The following GUCY1A2 variants were observed in gnomAD, a reference collection of about 807,000 sequenced individuals.
The protein encoded by GUCY1A2 is guanylate cyclase 1 soluble subunit alpha 2, also known as guanylate cyclase soluble subunit alpha-2.
GUCY1A2 carries 27 observed loss-of-function variants against 63.5 expected under a neutral mutation model. The observed-to-expected ratio is 0.43, with a 90% confidence interval of 0.31 to 0.59. The LOEUF (loss-of-function observed/expected upper bound fraction) is 0.59, where lower values mean the gene tolerates loss of function less well. Among genes scored for constraint, GUCY1A2 ranks in the 20% least tolerant of loss-of-function variants. The pLI is 0.11. For synonymous variants in GUCY1A2, 364 were observed against 343.5 expected (o/e 1.06, Z -0.66); for missense variants, 768 against 913.3 (o/e 0.84, Z 2.05).
chr11:106,903,679 T>A (rs919534726), intron 4 of GUCY1A2, among the ~76,000 whole-genome samples: 1 of 152,148 alleles, frequency 6.6e-6, no homozygotes, highest in African/African-American at 2.4e-5. Flanking sequence ...GTCATCTAAA[T>A]AGCAAAGGAG....
intron 4 of GUCY1A2, among the ~76,000 whole-genome samples, chr11:106,855,902 T>C (rs1859424832): frequency 1.7e-5 from 1 of 60,456 alleles, no homozygotes; most frequent in Non-Finnish European, 3.7e-5. Context: ...ATTTTATTTA[T>C]TTATTTATTT....
chr11:106,979,454 C>CAAAA (rs368315276), intron 2 of GUCY1A2, among the ~76,000 whole-genome samples: 23 of 59,178 alleles, frequency 3.9e-4, no homozygotes, highest in Non-Finnish European at 6.3e-4. Flanking sequence ...GACTCCGTCT[C>CAAAA]AAAAAAAAAA....
intron 6 of GUCY1A2, among the ~76,000 whole-genome samples, chr11:106,759,567 T>C (rs188459407): frequency 2.2e-4 from 34 of 152,284 alleles, no homozygotes; most frequent in Admixed American, 6.5e-4. Flanking sequence ...ATTAGTCAAA[T>C]TGAAAATTAT....
chr11:106,861,941 T>C (rs879270341), intron 4 of GUCY1A2, among the ~76,000 whole-genome samples: 37 of 152,042 alleles, frequency 2.4e-4, no homozygotes, highest in Non-Finnish European at 4.3e-4. Context: ...GAGGAAAACT[T>C]CTAAAAGCAA....
chr11:107,010,824 A>G (rs12275591), intron 1 of GUCY1A2, among the ~76,000 whole-genome samples: 10,555 of 151,782 alleles, frequency 0.07, 779 homozygotes, highest in African/African-American at 0.19. Context: ...TCCCCCTCCC[A>G]CTTTCAGGCT....
At chr11:106,697,919 C>T (rs188358835) in intron 7 of GUCY1A2, among the ~76,000 whole-genome samples, 1 of 152,104 alleles carries the variant, frequency 6.6e-6, no homozygotes, top group East Asian at 1.9e-4. Context: ...AGGCTTGGAA[C>T]AACAATGACC....
At chr11:106,980,715 G>A (rs1025119137) in intron 2 of GUCY1A2, among the ~76,000 whole-genome samples, 1 of 152,180 alleles carries the variant, frequency 6.6e-6, no homozygotes, top group African/African-American at 2.4e-5. Context: ...ATCCTAGCAT[G>A]CTTGATGTGA....
chr11:107,013,704 T>A (rs1217395094), intron 1 of GUCY1A2, among the ~76,000 whole-genome samples: 1 of 152,062 alleles, frequency 6.6e-6, no homozygotes, highest in East Asian at 1.9e-4. Flanking sequence ...TGCATCATCA[T>A]GACCTGCTAA....
At chr11:106,878,163 C>T (rs1859776083) in intron 4 of GUCY1A2, among the ~76,000 whole-genome samples, 1 of 152,012 alleles carries the variant, frequency 6.6e-6, no homozygotes, top group Non-Finnish European at 1.5e-5. Flanking sequence ...AATAAAAGCA[C>T]TTATACACTG....
At chr11:106,920,327 T>C (rs1860426134) in intron 4 of GUCY1A2, among the ~76,000 whole-genome samples, 1 of 152,248 alleles carries the variant, frequency 6.6e-6, no homozygotes, top group Middle Eastern at 3.4e-3. Flanking sequence ...GATTCACAGG[T>C]TATTACGTTA....
intron 4 of GUCY1A2, chr11:106,824,332 A>G (rs1459787074): frequency 5.1e-6 from 2 of 389,104 alleles, no homozygotes; most frequent in Non-Finnish European, 8.8e-6. Context: ...GAGAGAAAAT[A>G]TAGTTTTCTG....
intron 3 of GUCY1A2, among the ~76,000 whole-genome samples, chr11:106,951,020 C>T (rs946245157): frequency 6.6e-6 from 1 of 152,152 alleles, no homozygotes; most frequent in African/African-American, 2.4e-5. Flanking sequence ...TGTTAGTTTG[C>T]TGAGAACGAT....
At chr11:106,753,980 T>C (rs938381777) in intron 6 of GUCY1A2, among the ~76,000 whole-genome samples, 1 of 152,198 alleles carries the variant, frequency 6.6e-6, no homozygotes, top group Non-Finnish European at 1.5e-5. Flanking sequence ...ATTCTTCCTA[T>C]CCATGAGCAT....
chr11:106,869,676 A>T (rs1326904062), intron 4 of GUCY1A2, among the ~76,000 whole-genome samples: 1 of 152,190 alleles, frequency 6.6e-6, no homozygotes, highest in Admixed American at 6.5e-5. Flanking sequence ...AACTAGTTCA[A>T]CCATTGTGGA....
At chr11:106,763,006 ATTATAT>A (rs1279589294) in intron 6 of GUCY1A2, among the ~76,000 whole-genome samples, 3 of 152,078 alleles carry the variant, frequency 2.0e-5, no homozygotes, top group African/African-American at 7.2e-5. Context: ...TACTTTAGAA[ATTATAT>A]TTATGAGTTA....
intron 5 of GUCY1A2, among the ~76,000 whole-genome samples, chr11:106,785,114 C>T (rs72994951): frequency 0.17 from 26,527 of 152,156 alleles, 2,640 homozygotes; most frequent in South Asian, 0.28. Context: ...TTCTCCAGTA[C>T]AGCTTTAAAT....
chr11:106,697,658 G>A (rs1376841378), intron 7 of GUCY1A2, among the ~76,000 whole-genome samples: 3 of 152,046 alleles, frequency 2.0e-5, no homozygotes, highest in South Asian at 2.1e-4. Context: ...AATTTAAAAC[G>A]ATATAGAGGC....
chr11:106,728,823 T>G (rs544896773), intron 6 of GUCY1A2, among the ~76,000 whole-genome samples: 185 of 152,284 alleles, frequency 1.2e-3, no homozygotes, highest in African/African-American at 4.1e-3. Flanking sequence ...ATGTAAGAAG[T>G]AGTGGATGTT....
intron 3 of GUCY1A2, among the ~76,000 whole-genome samples, chr11:106,948,060 A>G (rs952092413): frequency 6.6e-6 from 1 of 152,184 alleles, no homozygotes; most frequent in African/African-American, 2.4e-5. Context: ...TGTAAATGGA[A>G]TGGAAATGGG....
Sources: allele counts gnomAD v4.1 joint callset (sites outside exome capture counted in the v4.1 genomes callset), GRCh38; gene constraint gnomAD v4.1.1; transcripts MANE v1.5; gene names NCBI Gene and HGNC (gene_info 2026-07-23, HGNC 2026-07-21).